The following PRKCA variants were observed in gnomAD, a reference collection of about 807,000 sequenced individuals.
PRKCA encodes protein kinase C alpha.
Under a neutral mutation model 87.0 loss-of-function variants are expected in PRKCA, and 27 were observed. The observed-to-expected ratio is 0.31, with a 90% CI of 0.23 to 0.43. The LOEUF (loss-of-function observed/expected upper bound fraction) is 0.43. PRKCA is among the 20% of genes least tolerant of loss of function. PRKCA has a pLI of 1.00. For synonymous variants in PRKCA, 329 were observed against 311.1 expected, an observed-to-expected ratio of 1.06 and a Z score of -0.61; for missense variants, 518 against 852.3, an observed-to-expected ratio of 0.61 and a Z score of 4.88.
chr17:66,364,020 G>A (rs1489815093), intron 2 of PRKCA: 1 of 152,318 alleles, frequency 6.6e-6, no homozygotes, highest in Non-Finnish European at 1.5e-5. Flanking sequence ...CTTTTTAAAG[G>A]AGATTATAGC....
intron 2 of PRKCA, among the ~76,000 whole-genome samples, chr17:66,341,296 A>G (rs1907029012): frequency 6.6e-6 from 1 of 152,176 alleles, no homozygotes. Flanking sequence ...GCTCTTCAAA[A>G]TCAGTTTCAT....
intron 3 of PRKCA, among the ~76,000 whole-genome samples, chr17:66,499,346 A>T (rs1916622589): frequency 6.6e-6 from 1 of 152,138 alleles, no homozygotes; most frequent in Admixed American, 6.5e-5. Context: ...ATGCTGATTG[A>T]ATGATTTCCT....
intron 3 of PRKCA, among the ~76,000 whole-genome samples, chr17:66,584,426 G>A (rs2361488): frequency 0.42 from 63,057 of 151,880 alleles, 13,424 homozygotes; most frequent in African/African-American, 0.49. Context: ...GGGTTTCACC[G>A]TATTGATCAG....
At chr17:66,546,536 C>T (rs1968150045) in intron 3 of PRKCA, among the ~76,000 whole-genome samples, 1 of 152,184 alleles carries the variant, frequency 6.6e-6, no homozygotes, top group Non-Finnish European at 1.5e-5. Context: ...CTTGTGGCTG[C>T]ATCTCTCCAG....
intron 3 of PRKCA, among the ~76,000 whole-genome samples, chr17:66,567,250 T>C (rs1291307069): frequency 6.6e-6 from 1 of 152,100 alleles, no homozygotes; most frequent in Non-Finnish European, 1.5e-5. Flanking sequence ...CTTGAAAAAC[T>C]AGGAAACAGG....
chr17:66,673,784 GT>G (rs1972253916), intron 5 of PRKCA, among the ~76,000 whole-genome samples: 1 of 152,210 alleles, frequency 6.6e-6, no homozygotes, highest in Non-Finnish European at 1.5e-5. Flanking sequence ...ATCTAGAGAA[GT>G]TCCACGTGAT....
intron 2 of PRKCA, among the ~76,000 whole-genome samples, chr17:66,384,652 G>A (rs1484561410): frequency 1.3e-5 from 2 of 150,486 alleles, no homozygotes; most frequent in South Asian, 2.1e-4. Flanking sequence ...TTTTTGAGAC[G>A]GAGTCTCGCT....
At chr17:66,499,689 C>T (rs908352860) in intron 3 of PRKCA, among the ~76,000 whole-genome samples, 2 of 152,122 alleles carry the variant, frequency 1.3e-5, no homozygotes, top group Admixed American at 6.5e-5. Context: ...CCAGCCATGT[C>T]CTGCTCCTAA....
rs553498402 is a variant in PRKCA at position 66,359,695 on chromosome 17, G to A, written c.205+53568G>A. Among the ~76,000 whole-genome samples, 10 of 152,286 alleles carry A rather than the reference G, an allele frequency of 6.6e-5. No individual in the cohort carries two copies. The East Asian group carries it at 7.7e-4, about 12-fold the overall frequency. The stretch of plus-strand genomic sequence containing the variant: ...GTTGACAGATAACTCAGTAAATTGC[G>A]TCTCAAATATTAATAAGTTTATTCT... On this transcript the variant is annotated intron_variant, in intron 2 of 16. Transcript: ENST00000413366.
chr17:66,706,826 C>T (rs924805151), intron 8 of PRKCA, among the ~76,000 whole-genome samples: 2 of 152,058 alleles, frequency 1.3e-5, no homozygotes, highest in African/African-American at 4.8e-5. Flanking sequence ...GAGTTGAGTC[C>T]CTGCAAAAGA....
At chr17:66,434,929 A>T (rs1463310220) in intron 2 of PRKCA, among the ~76,000 whole-genome samples, 1 of 152,226 alleles carries the variant, frequency 6.6e-6, no homozygotes, top group Non-Finnish European at 1.5e-5. Context: ...CAGAACTATC[A>T]CCACTCATGA....
At chr17:66,542,445 TG>T (rs1188359504) in intron 3 of PRKCA, among the ~76,000 whole-genome samples, 5 of 151,976 alleles carry the variant, frequency 3.3e-5, no homozygotes, top group Admixed American at 3.3e-4. Context: ...CTGAGTACCA[TG>T]GGGGTGAGAG....
At chr17:66,347,506 T>C (rs1256348640) in intron 2 of PRKCA, among the ~76,000 whole-genome samples, 1 of 152,220 alleles carries the variant, frequency 6.6e-6, no homozygotes, top group Non-Finnish European at 1.5e-5. Flanking sequence ...CTGTGTTTCA[T>C]ATTGGTCCAT....
At chr17:66,409,323 T>A (rs1459229266) in intron 2 of PRKCA, among the ~76,000 whole-genome samples, 1 of 152,164 alleles carries the variant, frequency 6.6e-6, no homozygotes, top group Admixed American at 6.6e-5. Flanking sequence ...GTCTAACTTG[T>A]GCCTTCTCTA....
chr17:66,777,301 ATACTG>A, intron 14 of PRKCA: 1 of 985,160 alleles, frequency 1.0e-6, no homozygotes, highest in Non-Finnish European at 1.2e-6. Context: ...TATTTCCTAA[ATACTG>A]AAATGGTCTT....
At position 66,455,901 on chromosome 17, in the gene PRKCA, G is replaced by A. The variant is rs182616399; in HGVS notation, c.206-40300G>A. Among the ~76,000 whole-genome samples the A allele has an allele frequency of 6.3e-3, 962 of 152,110 alleles. 10 individuals carry two copies. The highest frequency in any genetic ancestry group is 9.8e-3 in the Non-Finnish European group (665 of 67,996). ...CAATGTTCCCTCAAAATTCATGCTC[G>A]TCCAGAACCTCACAATGTCACCTTA... is the stretch of plus-strand genomic sequence containing the variant. On this transcript the variant is annotated intron_variant, in intron 2 of 16. Transcript: ENST00000413366.
intron 2 of PRKCA, among the ~76,000 whole-genome samples, chr17:66,460,094 G>T (rs1914775818): frequency 6.6e-6 from 1 of 152,196 alleles, no homozygotes; most frequent in Non-Finnish European, 1.5e-5. Flanking sequence ...GAAATAGGAA[G>T]CCCACAGAGT....
chr17:66,750,595 C>T (rs1291553524), intron 13 of PRKCA, among the ~76,000 whole-genome samples: 3 of 152,166 alleles, frequency 2.0e-5, no homozygotes, highest in Admixed American at 2.0e-4. Context: ...GCACCTTCTG[C>T]GATATTGTGG....
At chr17:66,475,223 C>G (rs911765483) in intron 2 of PRKCA, among the ~76,000 whole-genome samples, 1 of 152,118 alleles carries the variant, frequency 6.6e-6, no homozygotes, top group Non-Finnish European at 1.5e-5. Flanking sequence ...GAACCCTGAA[C>G]CGTGTCTCAG....
Sources: allele counts gnomAD v4.1 joint callset (sites outside exome capture counted in the v4.1 genomes callset), GRCh38; gene constraint gnomAD v4.1.1; transcripts MANE v1.5; gene names NCBI Gene and HGNC (gene_info 2026-07-23, HGNC 2026-07-21).